Variants in AK5 observed in about 807,000 individuals in gnomAD.
The protein encoded by AK5 is adenylate kinase 5.
In AK5, 27 loss-of-function variants were observed where a neutral mutation model predicts 69.5. That is an observed-to-expected ratio of 0.39 (90% CI 0.29 to 0.54). AK5 has a LOEUF of 0.54. Ranked by LOEUF, AK5 falls within the 20% of genes least tolerant of loss-of-function variation. The pLI is 0.71. For synonymous variants in AK5, 260 were observed against 244.4 expected, an observed-to-expected ratio of 1.06 and a Z score of -0.60; for missense variants, 531 against 700.4, an observed-to-expected ratio of 0.76 and a Z score of 2.73.
intron 5 of AK5, among the ~76,000 whole-genome samples, chr1:77,337,816 A>T (rs1280346115): frequency 6.6e-6 from 1 of 152,218 alleles, no homozygotes; most frequent in Admixed American, 6.5e-5. Context: ...ACAAGGACAA[A>T]CAACGAATAG....
At chr1:77,297,450 A>G in intron 3 of AK5, 109 bp from the exon 4 acceptor site, 1 of 1,013,330 alleles carries the variant, frequency 9.9e-7, no homozygotes, top group East Asian at 2.5e-5. Flanking sequence ...ACTGTTAACC[A>G]CCCTGTCTTG....
intron 6 of AK5, among the ~76,000 whole-genome samples, chr1:77,385,136 A>G (rs1218965418): frequency 6.6e-6 from 1 of 152,070 alleles, no homozygotes; most frequent in Non-Finnish European, 1.5e-5. Flanking sequence ...TTGAGACTTT[A>G]CAAAGTGTTT....
At chr1:77,447,840 G>C (rs939253253) in intron 8 of AK5, among the ~76,000 whole-genome samples, 8 of 152,296 alleles carry the variant, frequency 5.3e-5, no homozygotes, top group African/African-American at 1.9e-4. Flanking sequence ...GGATTGGGTA[G>C]TATGCAAAAA....
chr1:77,376,451 C>CAAACAAAAAAAAA (rs1647251640), intron 6 of AK5, among the ~76,000 whole-genome samples: 1 of 41,036 alleles, frequency 2.4e-5, no homozygotes, highest in African/African-American at 9.0e-5. Flanking sequence ...AAAAAAAAAA[C>CAAACAAAAAAAAA]AAAAAAAAAA....
At chr1:77,310,509 A>G (rs1228706421) in intron 5 of AK5, among the ~76,000 whole-genome samples, 4 of 151,946 alleles carry the variant, frequency 2.6e-5, no homozygotes, top group Admixed American at 1.3e-4. Context: ...CCTCCCGAGT[A>G]GCTGGGACTA....
chr1:77,548,366 A>T (rs964221871), intron 13 of AK5, among the ~76,000 whole-genome samples: 1 of 152,182 alleles, frequency 6.6e-6, no homozygotes, highest in African/African-American at 2.4e-5. Flanking sequence ...CAACTTTTGA[A>T]AACTGCATTT....
At chr1:77,440,908 C>G (rs915467375) in intron 8 of AK5, among the ~76,000 whole-genome samples, 3 of 152,078 alleles carry the variant, frequency 2.0e-5, no homozygotes, top group South Asian at 2.1e-4. Context: ...CCCACCATGC[C>G]CAGCTAATTT....
At chr1:77,400,932 T>TAAA (rs1557562083) in intron 6 of AK5, among the ~76,000 whole-genome samples, 2 of 29,796 alleles carry the variant, frequency 6.7e-5, no homozygotes, top group African/African-American at 2.3e-4. Flanking sequence ...TTTCATTCTG[T>TAAA]TAAAAAAAAA....
chr1:77,373,675 G>A (rs1647164378), intron 6 of AK5, among the ~76,000 whole-genome samples: 1 of 151,542 alleles, frequency 6.6e-6, no homozygotes, highest in Non-Finnish European at 1.5e-5. Flanking sequence ...GCAGTGAGCC[G>A]AGATCGTGCC....
intron 13 of AK5, among the ~76,000 whole-genome samples, chr1:77,551,279 G>C (rs1317720881): frequency 6.6e-6 from 1 of 151,944 alleles, no homozygotes; most frequent in Non-Finnish European, 1.5e-5. Context: ...TTGCCTCACT[G>C]ACTTTATTCT....
chr1:77,470,505 A>T (rs562186555), intron 8 of AK5, among the ~76,000 whole-genome samples: 1 of 152,270 alleles, frequency 6.6e-6, no homozygotes, highest in South Asian at 2.1e-4. Context: ...ACCCTGACTC[A>T]AATAATAATA....
chr1:77,367,579 A>ATATATGTAT (rs71075732), intron 6 of AK5, among the ~76,000 whole-genome samples: 816 of 53,384 alleles, frequency 0.015, 113 homozygotes, highest in African/African-American at 0.084. Flanking sequence ...ATATATATAT[A>ATATATGTAT]ATATATATGT....
chr1:77,340,727 T>C (rs1661612400), intron 6 of AK5, 159 bp downstream of exon 6: 1 of 462,032 alleles, frequency 2.2e-6, no homozygotes, highest in South Asian at 8.1e-5. Context: ...CTGATTTGCC[T>C]TTTTAAGCCA....
At chr1:77,434,576 T>G (rs935873508) in intron 8 of AK5, among the ~76,000 whole-genome samples, 1 of 152,104 alleles carries the variant, frequency 6.6e-6, no homozygotes, top group South Asian at 2.1e-4. Flanking sequence ...ATACAGAAAG[T>G]TCCATGGATA....
At chr1:77,446,889 T>G (rs1236374197) in intron 8 of AK5, among the ~76,000 whole-genome samples, 1 of 152,222 alleles carries the variant, frequency 6.6e-6, no homozygotes, top group Non-Finnish European at 1.5e-5. Flanking sequence ...GCTGACACAC[T>G]GAGTCCTGTT....
At chr1:77,474,449 C>T (rs1283538455) in intron 8 of AK5, among the ~76,000 whole-genome samples, 1 of 152,212 alleles carries the variant, frequency 6.6e-6, no homozygotes, top group East Asian at 1.9e-4. Context: ...TGAACACAGA[C>T]ATTCATGTTG....
chr1:77,355,808 T>C (rs1467739588), intron 6 of AK5, among the ~76,000 whole-genome samples: 2 of 151,922 alleles, frequency 1.3e-5, no homozygotes, highest in Non-Finnish European at 2.9e-5. Context: ...ACCTTCAATA[T>C]ATATTTACTA....
intron 5 of AK5, among the ~76,000 whole-genome samples, chr1:77,334,614 CT>C (rs1467036947): frequency 1.1e-4 from 16 of 152,092 alleles, no homozygotes; most frequent in African/African-American, 3.9e-4. Flanking sequence ...TTTTTTCTAC[CT>C]TTTTCTTCTT....
chr1:77,432,866 A>G (rs72932438), intron 8 of AK5, among the ~76,000 whole-genome samples: 3 of 152,346 alleles, frequency 2.0e-5, no homozygotes, highest in East Asian at 1.9e-4. Flanking sequence ...AAAGGTAAGC[A>G]TAAGAAAGGA....
Sources: gnomAD v4.1 joint callset for allele counts (sites outside exome capture counted in the v4.1 genomes callset) on GRCh38, gnomAD v4.1.1 for gene constraint, MANE v1.5 for transcripts, NCBI Gene and HGNC (gene_info 2026-07-23, HGNC 2026-07-21) for gene names.